The following STAG1 variants were observed in gnomAD, a reference collection of about 807,000 sequenced individuals.
STAG1 encodes cohesin subunit SA-1.
A neutral mutation model predicts 170.9 loss-of-function variants in STAG1; 26 were observed. That is an observed-to-expected ratio of 0.15 (90% CI 0.11 to 0.21). The LOEUF is 0.21. Ranked by LOEUF, STAG1 falls within the 10% of genes least tolerant of loss-of-function variation. The pLI is 1.00. For synonymous variants in STAG1, 514 were observed against 497.7 expected, an observed-to-expected ratio of 1.03 and a Z score of -0.44; for missense variants, 964 against 1,509.5, an observed-to-expected ratio of 0.64 and a Z score of 5.99.
intron 19 of STAG1, among the ~76,000 whole-genome samples, chr3:136,421,462 A>G (rs2087955319): frequency 6.6e-6 from 1 of 152,334 alleles, no homozygotes; most frequent in Middle Eastern, 3.4e-3. Context: ...ATGATTTCCA[A>G]TATTTTATTT....
intron 1 of STAG1, among the ~76,000 whole-genome samples, chr3:136,711,060 AATATATAT>A (rs369140347): frequency 1.0e-4 from 15 of 148,426 alleles, no homozygotes; most frequent in African/African-American, 3.7e-4. Context: ...CAAAAAGAAA[AATATATAT>A]ATATATATAT....
At chr3:136,568,919 A>G in intron 4 of STAG1, 58 bp from the exon 5 acceptor site, 1 of 1,281,208 alleles carries the variant, frequency 7.8e-7, no homozygotes, top group South Asian at 1.4e-5. Flanking sequence ...TATAGCAAAT[A>G]AATTTTCAAA....
At chr3:136,498,272 AC>A (rs370753124) in intron 9 of STAG1, among the ~76,000 whole-genome samples, 19,900 of 91,484 alleles carry the variant, frequency 0.22, 2,841 homozygotes, top group Non-Finnish European at 0.26. Context: ...ACACACACAC[AC>A]CACACACACA....
chr3:136,627,316 T>C (rs1940149074), intron 2 of STAG1, among the ~76,000 whole-genome samples: 1 of 152,228 alleles, frequency 6.6e-6, no homozygotes, highest in African/African-American at 2.4e-5. Context: ...TTTCACTTTA[T>C]CTCATCCTAA....
chr3:136,398,712 A>C (rs1275448689), intron 22 of STAG1, 37 bp downstream of exon 22: 1 of 1,285,454 alleles, frequency 7.8e-7, no homozygotes, highest in Non-Finnish European at 1.1e-6. Flanking sequence ...TTATTATTTC[A>C]GTAATAACCC....
intron 5 of STAG1, among the ~76,000 whole-genome samples, chr3:136,553,574 G>C (rs1936491545): frequency 6.6e-6 from 1 of 152,166 alleles, no homozygotes. Context: ...AAGAGATCAA[G>C]ACCATCCTGG....
chr3:136,614,600 C>T (rs2107820682), intron 3 of STAG1, among the ~76,000 whole-genome samples: 1 of 152,292 alleles, frequency 6.6e-6, no homozygotes, highest in South Asian at 2.1e-4. Flanking sequence ...TCAGAATTTA[C>T]AGCAATCTTT....
intron 6 of STAG1, among the ~76,000 whole-genome samples, chr3:136,541,286 A>G (rs1576586907): frequency 6.6e-6 from 1 of 152,296 alleles, no homozygotes; most frequent in Middle Eastern, 3.4e-3. Flanking sequence ...ATTTAAATCA[A>G]AAGGCAGATT....
chr3:136,638,454 G>T (rs1307299060), intron 1 of STAG1, among the ~76,000 whole-genome samples: 3 of 151,960 alleles, frequency 2.0e-5, no homozygotes, highest in Non-Finnish European at 2.9e-5. Context: ...TATTCTTAAT[G>T]CTTGAAACCT....
At chr3:136,429,147 C>T (rs1049537404) in intron 16 of STAG1, among the ~76,000 whole-genome samples, 1 of 151,564 alleles carries the variant, frequency 6.6e-6, no homozygotes, top group Admixed American at 6.6e-5. Context: ...TGGCTCACAC[C>T]TGTAATCCCA....
At chr3:136,344,152 T>C in intron 29 of STAG1, 146 bp from the exon 30 acceptor site, 1 of 562,292 alleles carries the variant, frequency 1.8e-6, no homozygotes, top group Non-Finnish European at 2.9e-6. Flanking sequence ...CATGACTTTG[T>C]GTAAGTCATT....
At chr3:136,475,980 C>T (rs964778381) in intron 10 of STAG1, among the ~76,000 whole-genome samples, 1 of 152,100 alleles carries the variant, frequency 6.6e-6, no homozygotes, top group Non-Finnish European at 1.5e-5. Context: ...GAATCCCAGG[C>T]AAGTCTCTTA....
chr3:136,508,521 C>T (rs1933882500), intron 7 of STAG1, among the ~76,000 whole-genome samples: 1 of 152,056 alleles, frequency 6.6e-6, no homozygotes, highest in Admixed American at 6.6e-5. Flanking sequence ...GACTCCATCT[C>T]TACAAAAAAT....
intron 23 of STAG1, among the ~76,000 whole-genome samples, chr3:136,375,697 G>GC (rs1421402513): frequency 6.6e-6 from 1 of 151,476 alleles, no homozygotes; most frequent in East Asian, 2.0e-4. Context: ...TGGGCCAGGT[G>GC]CAGTGGCTCA....
intron 9 of STAG1, among the ~76,000 whole-genome samples, chr3:136,489,427 C>A (rs2090079473): frequency 6.6e-6 from 1 of 152,092 alleles, no homozygotes. Flanking sequence ...AGTAAGGATG[C>A]AGACTAAATT....
chr3:136,747,556 G>C (rs188875270), intron 1 of STAG1, among the ~76,000 whole-genome samples: 2 of 152,074 alleles, frequency 1.3e-5, no homozygotes, highest in East Asian at 3.9e-4. Context: ...GGGCGTAGTG[G>C]CATGCACCTG....
chr3:136,449,337 G>A (rs2088871423), intron 14 of STAG1, among the ~76,000 whole-genome samples: 1 of 152,166 alleles, frequency 6.6e-6, no homozygotes, highest in African/African-American at 2.4e-5. Flanking sequence ...GAGGCAGGTG[G>A]ACCACCTGAG....
intron 1 of STAG1, among the ~76,000 whole-genome samples, chr3:136,701,451 G>A (rs1213164351): frequency 6.6e-6 from 1 of 152,016 alleles, no homozygotes; most frequent in Non-Finnish European, 1.5e-5. Context: ...TCTCTATAAA[G>A]TAGTGCTTAC....
In STAG1 at chr3:136,679,728, T is replaced by TA. The variant is rs61069088; in HGVS notation, c.-83-48748dup. ...TGGGCGAAAGAGCAAGACTCCGTCT[T>TA]AAAAAAAAAAAAAAAAAAAAAAAAT... On this transcript the variant is annotated intron_variant, in intron 1 of 33. Coordinates refer to ENST00000383202, the MANE Select transcript of STAG1 (RefSeq NM_005862.3). Among the ~76,000 whole-genome samples, 831 of 117,664 alleles carry TA rather than the reference T, an allele frequency of 7.1e-3. 4 individuals carry two copies. Among genetic ancestry groups the TA allele is most frequent in the South Asian group, 0.021 (70 of 3,404 alleles). The allele number at this position is 117,664 out of a possible 152,430, so 77.2% of individuals were successfully genotyped here. A position where few individuals can be genotyped will look rare whatever the true frequency, so the allele number is the denominator to read the frequency against.
Sources: gnomAD v4.1 joint callset for allele counts (sites outside exome capture counted in the v4.1 genomes callset) on GRCh38, gnomAD v4.1.1 for gene constraint, MANE v1.5 for transcripts, NCBI Gene and HGNC (gene_info 2026-07-23, HGNC 2026-07-21) for gene names.